RUNX1T1: variants seen among roughly 807,000 people sequenced by gnomAD.
RUNX1T1 encodes protein CBFA2T1.
A neutral mutation model predicts 62.8 loss-of-function variants in RUNX1T1; 4 were observed. That is an observed-to-expected ratio of 0.06 (90% CI 0.03 to 0.15). The LOEUF (loss-of-function observed/expected upper bound fraction) is 0.15, where lower values mean the gene tolerates loss of function less well. Among genes scored for constraint, RUNX1T1 ranks in the 10% least tolerant of loss-of-function variants. The pLI is 1.00. For synonymous variants in RUNX1T1, 291 were observed against 286.0 expected (o/e 1.02, Z -0.18); for missense variants, 508 against 754.3 (o/e 0.67, Z 3.82).
chr8:92,095,346 C>A, intron 1 of RUNX1T1: 1 of 1,534,434 alleles, frequency 6.5e-7, no homozygotes, highest in Non-Finnish European at 8.7e-7. Context: ...ACGGAGATTA[C>A]CTTCTGGCAA....
At chr8:91,992,374 A>C (rs1275242652) in intron 5 of RUNX1T1, among the ~76,000 whole-genome samples, 3 of 152,224 alleles carry the variant, frequency 2.0e-5, no homozygotes, top group African/African-American at 7.2e-5. Context: ...CCAATACAGT[A>C]GCTACATGTG....
At chr8:92,024,497 CAAAAAA>C (rs34547904) in intron 1 of RUNX1T1, among the ~76,000 whole-genome samples, 38 of 17,548 alleles carry the variant, frequency 2.2e-3, no homozygotes, top group Non-Finnish European at 2.3e-3. Flanking sequence ...AACCCCAACT[CAAAAAA>C]AAAAAAAAAA....
At chr8:91,998,492 GAAGT>G (rs1252657460) in intron 5 of RUNX1T1, among the ~76,000 whole-genome samples, 4 of 152,270 alleles carry the variant, frequency 2.6e-5, no homozygotes, top group Middle Eastern at 3.4e-3. Context: ...AATACCTTTA[GAAGT>G]AAGTAAGAGG....
intron 1 of RUNX1T1, among the ~76,000 whole-genome samples, chr8:92,091,939 C>G (rs982787990): frequency 2.0e-5 from 3 of 152,150 alleles, no homozygotes; most frequent in Non-Finnish European, 4.4e-5. Context: ...GCCTGCCTTC[C>G]CCTTTATACA....
intron 5 of RUNX1T1, among the ~76,000 whole-genome samples, chr8:91,993,396 G>A (rs188115244): frequency 4.3e-4 from 65 of 152,196 alleles, no homozygotes; most frequent in African/African-American, 1.3e-3. Context: ...GGCATAGAAA[G>A]AACTGAGGGT....
At chr8:92,034,399 C>A (rs1043296094) in intron 1 of RUNX1T1, among the ~76,000 whole-genome samples, 2 of 151,980 alleles carry the variant, frequency 1.3e-5, no homozygotes. Context: ...TGGAACCCAC[C>A]CCATAAAGCA....
intron 1 of RUNX1T1, among the ~76,000 whole-genome samples, chr8:92,060,522 AATATATATATATAT>A (rs61066655): frequency 9.2e-5 from 7 of 76,326 alleles, no homozygotes; most frequent in East Asian, 3.5e-4. Flanking sequence ...TCAACTACCA[AATATATATATATAT>A]ATATATATAT....
chr8:92,035,038 T>A (rs1256330735), intron 1 of RUNX1T1, among the ~76,000 whole-genome samples: 1 of 152,042 alleles, frequency 6.6e-6, no homozygotes, highest in Non-Finnish European at 1.5e-5. Flanking sequence ...TCATGCCCTG[T>A]AATCCCAGCA....
At chr8:92,036,291 T>C (rs1563814560) in intron 1 of RUNX1T1, among the ~76,000 whole-genome samples, 2 of 152,218 alleles carry the variant, frequency 1.3e-5, no homozygotes. Context: ...ATTTGTCAGA[T>C]AAATTAATTA....
upstream of RUNX1T1, among the ~76,000 whole-genome samples, chr8:92,101,845 G>A (rs1838051444): frequency 6.6e-6 from 1 of 152,202 alleles, no homozygotes; most frequent in Non-Finnish European, 1.5e-5. Context: ...GTCCCCCCCG[G>A]GAAAGAGGTC....
At chr8:91,963,132 CAG>C (rs1250807562) in intron 10 of RUNX1T1, among the ~76,000 whole-genome samples, 1 of 152,126 alleles carries the variant, frequency 6.6e-6, no homozygotes, top group African/African-American at 2.4e-5. Context: ...AATACAGAAA[CAG>C]ATGTTTTGGA....
At chr8:92,086,920 C>T (rs1836218834) in intron 1 of RUNX1T1, among the ~76,000 whole-genome samples, 1 of 152,210 alleles carries the variant, frequency 6.6e-6, no homozygotes, top group African/African-American at 2.4e-5. Context: ...CTGGCCTTGG[C>T]CTCCAGTCCA....
intron 4 of RUNX1T1, among the ~76,000 whole-genome samples, chr8:92,009,300 A>G (rs1289052882): frequency 6.6e-6 from 1 of 152,248 alleles, no homozygotes; most frequent in Non-Finnish European, 1.5e-5. Context: ...GGGTTACATT[A>G]GCTTAATGAA....
chr8:92,095,403 G>C, intron 1 of RUNX1T1: 1 of 1,535,590 alleles, frequency 6.5e-7, no homozygotes, highest in Non-Finnish European at 8.7e-7. Context: ...CCAGACCGCG[G>C]CTTTGTATTC....
intron 1 of RUNX1T1, chr8:92,081,288 T>C: frequency 3.1e-6 from 3 of 963,648 alleles, no homozygotes; most frequent in South Asian, 4.8e-5. Context: ...TTCTTATCAT[T>C]TGATACTAGA....
intron 2 of RUNX1T1, among the ~76,000 whole-genome samples, chr8:92,069,842 C>A (rs1371033387): frequency 1.3e-5 from 2 of 152,148 alleles, no homozygotes; most frequent in African/African-American, 2.4e-5. Context: ...TATTAAAATT[C>A]TCCTTAACTG....
At chr8:92,043,381 C>T (rs757768114) in intron 1 of RUNX1T1, among the ~76,000 whole-genome samples, 2 of 150,998 alleles carry the variant, frequency 1.3e-5, no homozygotes, top group Admixed American at 6.6e-5. Context: ...GTCTTAACAA[C>T]CAAAAAAGTA....
intron 1 of RUNX1T1, among the ~76,000 whole-genome samples, chr8:92,092,183 T>C (rs1161759158): frequency 6.6e-6 from 1 of 152,244 alleles, no homozygotes; most frequent in African/African-American, 2.4e-5. Context: ...TTTATATGGA[T>C]AGCGTTGCCA....
At chr8:92,054,987 A>C (rs1469983641) in intron 1 of RUNX1T1, among the ~76,000 whole-genome samples, 2 of 152,212 alleles carry the variant, frequency 1.3e-5, no homozygotes, top group Non-Finnish European at 2.9e-5. Context: ...CCTGGGCGAC[A>C]GAGTGAGACT....
Sources: allele counts gnomAD v4.1 joint callset (sites outside exome capture counted in the v4.1 genomes callset), GRCh38; gene constraint gnomAD v4.1.1; transcripts MANE v1.5; gene names NCBI Gene and HGNC (gene_info 2026-07-23, HGNC 2026-07-21).